The following WNK2 variants were observed in gnomAD, a reference collection of about 807,000 sequenced individuals.
WNK2 encodes the protein serine/threonine-protein kinase WNK2.
Under a neutral mutation model 192.1 loss-of-function variants are expected in WNK2, and 67 were observed. That is an observed-to-expected ratio of 0.35 (90% confidence interval 0.29 to 0.43). WNK2 has a LOEUF of 0.43. WNK2 is among the 20% of genes least tolerant of loss of function. The pLI, the probability that WNK2 is intolerant of heterozygous loss-of-function variation, is 1.00. For missense variants in WNK2, 2,698 were observed against 3,089.7 expected (o/e 0.87, Z 3.01); for synonymous variants, 1,439 against 1,393.9 (o/e 1.03, Z -0.72).
chr9:93,311,872 G>C (rs1323600791), intron 28 of WNK2, among the ~76,000 whole-genome samples: 1 of 145,814 alleles, frequency 6.9e-6, no homozygotes, highest in South Asian at 2.2e-4. Context: ...CACCCGCCTC[G>C]GCCTCCCAAA....
chr9:93,263,954 T>A lies in WNK2; in HGVS notation c.3617T>A (p.Leu1206Gln). The change falls in exon 16 of 30, where the codon CTG (leucine) becomes CAG (glutamine). Residue 1206 changes from leucine to glutamine, a missense_variant. Coordinates refer to ENST00000427277, the MANE Select transcript of WNK2 (RefSeq NM_006648.4). ...GGGGACAAGATGGTGGAGTGCCAGC[T>A]GGAGACGCACAACCACAAGATGGTG... The part of the protein sequence containing the change: ...NTGDKMVECQ[L>Q]ETHNHKMVTF... 1 of 1,613,406 alleles carries A rather than the reference T, an allele frequency of 6.2e-7. No individual in the cohort carries two copies. Among genetic ancestry groups the A allele is most frequent in the Non-Finnish European group, 8.5e-7 (1 of 1,179,756 alleles).
chr9:93,290,284 A>C (rs538241276), intron 21 of WNK2, among the ~76,000 whole-genome samples: 1 of 151,922 alleles, frequency 6.6e-6, no homozygotes, highest in South Asian at 2.1e-4. Flanking sequence ...CATGTGGCCC[A>C]AGACGGCTTT....
chr9:93,193,127 T>G (rs538794135), intron 2 of WNK2, among the ~76,000 whole-genome samples: 1 of 151,986 alleles, frequency 6.6e-6, no homozygotes, highest in Non-Finnish European at 1.5e-5. Context: ...CTGCTTGCTG[T>G]GGTGGGAAGG....
intron 27 of WNK2, chr9:93,307,470 A>G (rs896811838): frequency 6.6e-6 from 1 of 152,374 alleles, no homozygotes; most frequent in Non-Finnish European, 1.5e-5. Flanking sequence ...AAAATTGCCA[A>G]CGAGAAATTA....
At chr9:93,311,426 G>C (rs990442040) in intron 28 of WNK2, among the ~76,000 whole-genome samples, 10 of 152,220 alleles carry the variant, frequency 6.6e-5, no homozygotes, top group East Asian at 1.9e-4. Flanking sequence ...TCAAGACCCT[G>C]CTTTTATCCT....
At chr9:93,319,419 A>G in intron 29 of WNK2, 6 of 985,044 alleles carry the variant, frequency 6.1e-6, no homozygotes, top group Non-Finnish European at 7.2e-6. Flanking sequence ...CTGGCCCCCA[A>G]CACTGCCCCC....
intron 7 of WNK2, among the ~76,000 whole-genome samples, chr9:93,241,622 G>A (rs7025514): frequency 0.084 from 12,747 of 152,052 alleles, 1,009 homozygotes; most frequent in African/African-American, 0.2. Context: ...GGTTCCTGCG[G>A]AGGTCTGACT....
chr9:93,262,837 C>T (rs1588276762), intron 14 of WNK2, 118 bp downstream of exon 14: 1 of 1,165,166 alleles, frequency 8.6e-7, no homozygotes, highest in Non-Finnish European at 1.2e-6. Context: ...GCCCTGATGC[C>T]ATTAGGGGTT....
At position 93,320,376 on chromosome 9, in the gene WNK2, G is replaced by A; in HGVS notation, c.6638G>A (p.Ser2213Asn). The change falls in exon 30 of 30, where the codon AGT becomes AAT. Residue 2213 changes from serine to asparagine, a missense_variant. Around this residue, in one of 7 missense-constraint regions of WNK2, gnomAD observed 167 missense variants for 184.2 expected, o/e 0.91. Transcript: ENST00000427277. ...CGGTTTTGTTTTCCAGATCCTGAGA[G>A]TGAGAAGCCTGACTGACCCCGCCTA... ...TLSVPTPDPE[S>N]EKPD 3 of 1,367,642 alleles carry A rather than the reference G, an allele frequency of 2.2e-6. No individual in the cohort carries two copies. The highest frequency in any genetic ancestry group is 2.9e-6 in the Non-Finnish European group (3 of 1,021,816). 84.7% of individuals were successfully genotyped at this position (1,367,642 alleles called of 1,614,324 possible). A position where few individuals can be genotyped will look rare whatever the true frequency, so the allele number is the denominator to read the frequency against.
chr9:93,289,978 G>A lies in WNK2; in HGVS notation c.4867G>A (p.Val1623Met), dbSNP rs1849061379. 1.3e-6 allele frequency: 2 copies of A among 1,568,298 alleles called. No individual in the cohort carries two copies. Among genetic ancestry groups the A allele is most frequent in the Non-Finnish European group, 1.7e-6 (2 of 1,155,636 alleles). Residue 1623 changes from valine (V) to methionine (M), a missense_variant and splice_region_variant, in exon 21 of 30, where the codon GTG becomes ATG. By Grantham distance (21) the Val-to-Met change is conservative. Coordinates refer to ENST00000427277, the MANE Select transcript of WNK2 (RefSeq NM_006648.4). ...TCTCTTTTTGTGTTTCTTTCTCCAG[G>A]TGGAGAAGTCAGAACTGGCCCCCAC... ...SGRVQLPQPL[V>M]EKSELAPTRG...
chr9:93,203,777 C>A (rs1193042055), intron 2 of WNK2, among the ~76,000 whole-genome samples: 1 of 152,130 alleles, frequency 6.6e-6, no homozygotes, highest in African/African-American at 2.4e-5. Context: ...AACGAGGCAT[C>A]TCGAACTGTG....
intron 16 of WNK2, among the ~76,000 whole-genome samples, chr9:93,265,166 T>C (rs1253216378): frequency 1.3e-5 from 2 of 152,244 alleles, no homozygotes; most frequent in Non-Finnish European, 2.9e-5. Flanking sequence ...TCGGGAAGAC[T>C]TTATTCAGGA....
chr9:93,257,235 ATGTGACC>A lies in WNK2; in HGVS notation c.2382+106_2382+112del. 1 of 1,359,406 alleles carries A rather than the reference ATGTGACC, an allele frequency of 7.4e-7. No individual in the cohort carries two copies. The highest frequency in any genetic ancestry group is 1.3e-5 in the South Asian group (1 of 76,194). 84.2% of individuals were successfully genotyped at this position (1,359,406 alleles called of 1,614,324 possible). ...CACCCACAGAGGGGGTTGTCTGTGCATGTGACCTGTGACCTGGGGTTGGGCTGGCCAG... is the reference window on the plus strand; with the variant it reads ...CACCCACAGAGGGGGTTGTCTGTGCATGTGACCTGGGGTTGGGCTGGCCAG... On this transcript the variant is annotated intron_variant, in intron 11 of 29. Transcript: ENST00000427277. The surrounding 1 kb of genome is among the most constrained non-coding windows in gnomAD (Gnocchi z 4.7).
intron 8 of WNK2, among the ~76,000 whole-genome samples, chr9:93,250,688 T>A (rs938886479): frequency 6.6e-6 from 1 of 152,234 alleles, no homozygotes; most frequent in South Asian, 2.1e-4. Flanking sequence ...TTGGTGACTC[T>A]ATTTAAGCAG....
intron 28 of WNK2, chr9:93,317,185 G>C (rs1854840746): frequency 2.3e-6 from 1 of 426,706 alleles, no homozygotes; most frequent in Non-Finnish European, 4.3e-6. Flanking sequence ...GGAGGGCTTT[G>C]TGGTGGCTGA....
chr9:93,236,924 C>T (rs1026570536), intron 5 of WNK2, among the ~76,000 whole-genome samples: 5 of 152,254 alleles, frequency 3.3e-5, no homozygotes, highest in Non-Finnish European at 7.3e-5. Context: ...TTGGGAGGCT[C>T]GGTGAAGCTC....
Position 93,289,756 on chromosome 9 carries a change from C to T in WNK2, c.4866+136C>T, listed in dbSNP as rs1299279262. Reference sequence around the variant, plus strand: ...GGCCCGTCCCTCTCTTGGTGACCCACCCACGTGTGTTTGACTCACCCATGC... The same window carrying T: ...GGCCCGTCCCTCTCTTGGTGACCCATCCACGTGTGTTTGACTCACCCATGC... On this transcript the variant is annotated intron_variant, in intron 20 of 29. Transcript: ENST00000427277. The T allele has an allele frequency of 1.0e-5, 10 of 995,648 alleles. 1 individual carries two copies. The African/African-American group carries it at 1.3e-4, about 13-fold the overall frequency. The allele number at this position is 995,648 out of a possible 1,614,324, so 61.7% of individuals were successfully genotyped here. A position where few individuals can be genotyped will look rare whatever the true frequency, so the allele number is the denominator to read the frequency against.
Position 93,259,398 on chromosome 9 carries a change from GC to G in WNK2, c.2855del (p.Pro952HisfsTer162). 1 of 1,541,212 alleles carries G rather than the reference GC, an allele frequency of 6.5e-7. No individual in the cohort carries two copies. The highest frequency in any genetic ancestry group is 2.3e-5 in the East Asian group (1 of 42,688). On this transcript the variant is annotated frameshift_variant, in exon 12 of 30. Transcript: ENST00000427277. LOFTEE classifies it high-confidence loss of function. This position sits in a 1 kb window ranked among gnomAD's most constrained non-coding sequence, Gnocchi z 4.8. Reference protein sequence around the residue: ...QPALPPQPTLPPQPVLPPQPT... With the variant: ...QPALPPQPTLXPQPVLPPQPT... ...CGGCACTGCCTCCACAACCCACACT[GC>G]CCCCACAACCCGTGCTGCCCCCGCA...
At chr9:93,218,253 C>G (rs886472688) in intron 2 of WNK2, among the ~76,000 whole-genome samples, 2 of 152,156 alleles carry the variant, frequency 1.3e-5, no homozygotes, top group African/African-American at 4.8e-5. Flanking sequence ...CCCCGCCTGC[C>G]CCACCCCACA....
Sources: gnomAD v4.1 joint callset for allele counts (sites outside exome capture counted in the v4.1 genomes callset) on GRCh38, gnomAD v4.1.1 for gene constraint, gnomAD v4.1.1 regional missense constraint, Gnocchi (gnomAD v3.1) non-coding constraint, MANE v1.5 for transcripts, NCBI Gene and HGNC (gene_info 2026-07-23, HGNC 2026-07-21) for gene names.